Variants in ZC3H7B observed in about 807,000 individuals in gnomAD.
The protein encoded by ZC3H7B is zinc finger CCCH-type containing 7B, also known as zinc finger CCCH domain-containing protein 7B.
Under a neutral mutation model 116.0 loss-of-function variants are expected in ZC3H7B, and 35 were observed. The ratio of observed to expected loss-of-function variants is 0.30; its 90% CI spans 0.23 to 0.40. The LOEUF (loss-of-function observed/expected upper bound fraction) is 0.40. Ranked by LOEUF, ZC3H7B falls within the 10% of genes least tolerant of loss-of-function variation. ZC3H7B has a pLI of 1.00. For missense variants in ZC3H7B, 1,011 were observed against 1,321.5 expected (o/e 0.77, Z 3.64); for synonymous variants, 502 against 545.6 (o/e 0.92, Z 1.11).
In ZC3H7B at chr22:41,343,387, T is replaced by A. The variant is rs781066937; in HGVS notation, c.1298-28T>A. 2.5e-6 allele frequency: 4 copies of A among 1,586,220 alleles called. No homozygotes were observed. The South Asian group carries it at 3.4e-5, about 13-fold the overall frequency. On this transcript the variant is annotated intron_variant, in intron 12 of 22. Coordinates refer to ENST00000352645, the MANE Select transcript of ZC3H7B (RefSeq NM_017590.6). Reference sequence around the variant, plus strand: ...TCACTCTTCAATTCTGCTTCCGGAATTATCATGTGTGTCCACCCTGCCCAT... The same window carrying A: ...TCACTCTTCAATTCTGCTTCCGGAAATATCATGTGTGTCCACCCTGCCCAT...
In ZC3H7B at chr22:41,327,194, C is replaced by T. The variant is rs760101222; in HGVS notation, c.286-12C>T. 3 of 1,613,334 alleles carry T rather than the reference C, an allele frequency of 1.9e-6. No individual in the cohort carries two copies. Among genetic ancestry groups the T allele is most frequent in the South Asian group, 2.2e-5 (2 of 91,080 alleles). ...AGGTGTTGACCAGTGACCACATGCTCCTCTCTGGCAGGGCCTGTATGAGAA... is the reference window on the plus strand; with the variant it reads ...AGGTGTTGACCAGTGACCACATGCTTCTCTCTGGCAGGGCCTGTATGAGAA... On this transcript the variant is annotated splice_polypyrimidine_tract_variant and intron_variant, in intron 4 of 22. Coordinates refer to ENST00000352645, the MANE Select transcript of ZC3H7B (RefSeq NM_017590.6). The surrounding 1 kb of genome is among the most constrained non-coding windows in gnomAD (Gnocchi z 4.5).
chr22:41,349,110 C>G lies in ZC3H7B; in HGVS notation c.1767-10C>G. 6.2e-7 allele frequency: 1 copy of G among 1,612,970 alleles called. No individual in the cohort carries two copies. The highest frequency in any genetic ancestry group is 1.1e-5 in the South Asian group (1 of 91,044). On this transcript the variant is annotated splice_polypyrimidine_tract_variant and intron_variant, in intron 15 of 22. Transcript: ENST00000352645. The surrounding 1 kb of genome is among the most constrained non-coding windows in gnomAD (Gnocchi z 4.9). ...CTGCATCGTGCCCCTCCTGCCTGCC[C>G]GCCCGCCAGGTGCCTGGTGCACATC...
Position 41,349,629 on chromosome 22 carries a change from G to A in ZC3H7B, c.1948+328G>A, listed in dbSNP as rs953090666. 1.3e-5 allele frequency among the ~76,000 whole-genome samples: 2 copies of A among 152,148 alleles called. No individual in the cohort carries two copies. The highest frequency in any genetic ancestry group is 2.4e-5 in the African/African-American group (1 of 41,424). ...ACCTCTGCTTGCTCCCTGGGTGGTC[G>A]GCAGCAAGTCCCCGCTCCTCACTGA... On this transcript the variant is annotated intron_variant, in intron 16 of 22. Coordinates refer to ENST00000352645, the MANE Select transcript of ZC3H7B (RefSeq NM_017590.6). The surrounding 1 kb of genome is among the most constrained non-coding windows in gnomAD (Gnocchi z 4.9).
chr22:41,342,456 TG>T, intron 11 of ZC3H7B, 72 bp from the exon 12 acceptor site: 1 of 1,463,066 alleles, frequency 6.8e-7, no homozygotes. Flanking sequence ...TCCCCACTTC[TG>T]GTGCCCTGGC....
chr22:41,327,997 C>T lies in ZC3H7B; in HGVS notation c.444+633C>T, dbSNP rs562441407. Among the ~76,000 whole-genome samples, 3 of 152,202 alleles carry T rather than the reference C, an allele frequency of 2.0e-5. No individual in the cohort carries two copies. Among genetic ancestry groups the T allele is most frequent in the East Asian group, 3.9e-4 (2 of 5,184 alleles). ...AAAAAATTAGCTGGGCATGATGGCA[C>T]GCACCTGAGATCCCAGCTACTCAGG... On this transcript the variant is annotated intron_variant, in intron 5 of 22. Coordinates refer to ENST00000352645, the MANE Select transcript of ZC3H7B (RefSeq NM_017590.6). This position sits in a 1 kb window ranked among gnomAD's most constrained non-coding sequence, Gnocchi z 4.5.
Position 41,340,052 on chromosome 22 carries a change from G to A in ZC3H7B, c.1053G>A (p.Leu351=). The part of the protein sequence containing the change: ...PPGPTLDPLD[L]LPYSETRLDA... ...GCCCCACGCTGGACCCCCTGGACCT[G>A]CTGCCGTACTCGGAGACCCGGCTGG... Residue 351 remains leucine (L), a synonymous_variant, in exon 10 of 23, where the codon CTG becomes CTA. Transcript: ENST00000352645. 1 of 1,611,778 alleles carries A rather than the reference G, an allele frequency of 6.2e-7. No individual in the cohort carries two copies.
intron 7 of ZC3H7B, chr22:41,336,298 C>G (rs890638505): frequency 1.3e-5 from 2 of 152,218 alleles, no homozygotes; most frequent in Non-Finnish European, 2.9e-5. Context: ...GAGGCCAAGG[C>G]GGGTGGATCA....
At chr22:41,340,418 A>T (rs560944400) in intron 10 of ZC3H7B, among the ~76,000 whole-genome samples, 1 of 151,886 alleles carries the variant, frequency 6.6e-6, no homozygotes, top group East Asian at 1.9e-4. Flanking sequence ...GCCTCCCGGG[A>T]CCCTGGGTCA....
intron 1 of ZC3H7B, among the ~76,000 whole-genome samples, chr22:41,309,162 C>T (rs1346468672): frequency 1.3e-5 from 2 of 151,934 alleles, no homozygotes; most frequent in African/African-American, 4.8e-5. Flanking sequence ...CAGGCGTGCG[C>T]CACCATGCCC....
chr22:41,339,048 C>G lies in ZC3H7B; in HGVS notation c.673C>G (p.Pro225Ala). 6.2e-7 allele frequency: 1 copy of G among 1,608,298 alleles called. No individual in the cohort carries two copies. Among genetic ancestry groups the G allele is most frequent in the Non-Finnish European group, 8.5e-7 (1 of 1,176,504 alleles). ...RGSPALLPST[P>A]TMPLFPHVLD... ...CTCCCCAGCCCTTCTCCCCTCCACG[C>G]CCACGATGCCCCTGTTCCCTCACGT... Residue 225 changes from proline (P) to alanine (A), a missense_variant, in exon 9 of 23, where the codon CCC (proline) becomes GCC (alanine). Physicochemically the swap from Pro to Ala is conservative, Grantham distance 27 (BLOSUM62 -1). Coordinates refer to ENST00000352645, the MANE Select transcript of ZC3H7B (RefSeq NM_017590.6).
In ZC3H7B at chr22:41,355,972, A is replaced by G. The variant is rs1169100708; in HGVS notation, c.2293A>G (p.Asn765Asp). The G allele has an allele frequency of 2.5e-6, 4 of 1,569,862 alleles. No homozygotes were observed. Among genetic ancestry groups the G allele is most frequent in the Middle Eastern group, 1.7e-4 (1 of 5,866 alleles). The change falls in exon 20 of 23, where the codon AAC becomes GAC. Residue 765 changes from asparagine to aspartate, a missense_variant. Physicochemically the swap from Asn to Asp is conservative, Grantham distance 23. Transcript: ENST00000352645. ...CCCACAGCTCTGCATCCATGCACAG[A>G]ACGGCCGCAAGTGCCAATATGTGGG... The part of the protein sequence containing the change: ...QQYDLCIHAQ[N>D]GRKCQYVGNC...
At chr22:41,342,681 A>G in intron 12 of ZC3H7B, 53 bp downstream of exon 12, 1 of 1,488,612 alleles carries the variant, frequency 6.7e-7, no homozygotes, top group Non-Finnish European at 9.2e-7. Flanking sequence ...TGGGAATCTC[A>G]GGAACATGGG....
Position 41,356,746 on chromosome 22 carries a change from C to T in ZC3H7B, c.2619C>T (p.Ser873=), listed in dbSNP as rs148823207. ...SEKHKEKVFT[S]DSDASGWAFR... is the part of the protein sequence containing the mutation. ...AGCACAAGGAGAAGGTCTTCACGTC[C>T]GACAGTGACGCCAGCGGCTGGGCCT... The change falls in exon 22 of 23, where the codon TCC becomes TCT. Residue 873 remains serine, a synonymous_variant. Transcript: ENST00000352645. 33 of 1,613,666 alleles carry T rather than the reference C, an allele frequency of 2.0e-5. No homozygotes were observed. In the East Asian group the frequency reaches 3.6e-4, roughly 17 times the overall value.
At chr22:41,315,352 G>GTTT (rs34182958) in intron 1 of ZC3H7B, among the ~76,000 whole-genome samples, 29,273 of 118,686 alleles carry the variant, frequency 0.25, 4,597 homozygotes, top group Admixed American at 0.36. Context: ...AATTTCTAGT[G>GTTT]TTTTTTTTTT....
At chr22:41,322,767 TG>T (rs1338107779) in intron 2 of ZC3H7B, among the ~76,000 whole-genome samples, 1 of 152,188 alleles carries the variant, frequency 6.6e-6, no homozygotes, top group East Asian at 1.9e-4. Context: ...TCCCCACTTT[TG>T]TTCTCTCACA....
chr22:41,350,038 T>C (rs1189141879), intron 16 of ZC3H7B, among the ~76,000 whole-genome samples: 1 of 152,116 alleles, frequency 6.6e-6, no homozygotes, highest in Non-Finnish European at 1.5e-5. Flanking sequence ...CTCAGTGTTA[T>C]GAGGAAGATA....
Position 41,342,398 on chromosome 22 carries a change from CT to C in ZC3H7B, c.1198-130del, listed in dbSNP as rs550466304. 4.5e-4 allele frequency: 341 copies of C among 754,908 alleles called. No individual in the cohort carries two copies. The African/African-American group carries it at 5.2e-3, about 11-fold the overall frequency. The allele number at this position is 754,908 out of a possible 1,614,324, so 46.8% of individuals were successfully genotyped here. On this transcript the variant is annotated intron_variant, in intron 11 of 22. Transcript: ENST00000352645. Reference sequence around the variant, plus strand: ...GGAGGGTGGAGGAAGAGGAAGGGTCCTGGGCTGTGGTTTTGCTCTTGGGTAG... The same window carrying C: ...GGAGGGTGGAGGAAGAGGAAGGGTCCGGGCTGTGGTTTTGCTCTTGGGTAG...
Position 41,330,067 on chromosome 22 carries a change from G to A in ZC3H7B, c.489G>A (p.Leu163=), listed in dbSNP as rs758714739. Reference sequence around the variant, plus strand: ...TTGGTCAGGAGCTGGCCCAGAAACTGGGGCTGCGAGTTCGCAAGGCGTATA... The same window carrying A: ...TTGGTCAGGAGCTGGCCCAGAAACTAGGGCTGCGAGTTCGCAAGGCGTATA... ...TQLGQELAQK[L]GLRVRKAYKR... The change falls in exon 6 of 23, where the codon CTG becomes CTA. Residue 163 remains leucine (L), a synonymous_variant. Transcript: ENST00000352645. 1.2e-6 allele frequency: 2 copies of A among 1,613,940 alleles called. No homozygotes were observed. Among genetic ancestry groups the A allele is most frequent in the Non-Finnish European group, 1.7e-6 (2 of 1,180,002 alleles).
In ZC3H7B at chr22:41,340,077, G is replaced by T; in HGVS notation, c.1078G>T (p.Asp360Tyr). 1 of 1,612,140 alleles carries T rather than the reference G, an allele frequency of 6.2e-7. No individual in the cohort carries two copies. The highest frequency in any genetic ancestry group is 8.5e-7 in the Non-Finnish European group (1 of 1,179,936). The change falls in exon 10 of 23, where the codon GAT (aspartate) becomes TAT (tyrosine). Residue 360 changes from aspartate (D) to tyrosine (Y), a missense_variant. Coordinates refer to ENST00000352645, the MANE Select transcript of ZC3H7B (RefSeq NM_017590.6). ...DLLPYSETRL[D>Y]ALDSFGSTRG... ...GCTGCCGTACTCGGAGACCCGGCTG[G>T]ATGCACTCGACAGCTTTGGGTCGAC... is the stretch of plus-strand genomic sequence containing the variant.
Sources: gnomAD v4.1 joint callset for allele counts (sites outside exome capture counted in the v4.1 genomes callset) on GRCh38, gnomAD v4.1.1 for gene constraint, Gnocchi (gnomAD v3.1) non-coding constraint, MANE v1.5 for transcripts, NCBI Gene and HGNC (gene_info 2026-07-23, HGNC 2026-07-21) for gene names.